EPM2A: variants seen among roughly 807,000 people sequenced by gnomAD.
The protein encoded by EPM2A is laforin.
A neutral mutation model predicts 26.5 loss-of-function variants in EPM2A; 21 were observed. The observed-to-expected ratio is 0.79, with a 90% CI of 0.56 to 1.14. EPM2A has a LOEUF of 1.14. EPM2A is among the 50% of genes most tolerant of loss of function. The pLI is 0.00. For synonymous variants in EPM2A, 217 were observed against 177.6 expected, an observed-to-expected ratio of 1.22 and a Z score of -1.76; for missense variants, 458 against 440.8, an observed-to-expected ratio of 1.04 and a Z score of -0.35.
chr6:145,611,753 G>A (rs1775396635), intron 2 of EPM2A, among the ~76,000 whole-genome samples: 1 of 151,950 alleles, frequency 6.6e-6, no homozygotes, highest in South Asian at 2.1e-4. Flanking sequence ...CTGTTTATAT[G>A]TTCAACAGAA....
intron 2 of EPM2A, among the ~76,000 whole-genome samples, chr6:145,515,600 T>G (rs1464327207): frequency 6.6e-6 from 1 of 152,186 alleles, no homozygotes; most frequent in Non-Finnish European, 1.5e-5. Flanking sequence ...TCAGGTTTTA[T>G]AAGGGCACTA....
intron 2 of EPM2A, among the ~76,000 whole-genome samples, chr6:145,657,246 C>T (rs776962350): frequency 1.3e-5 from 2 of 151,914 alleles, no homozygotes; most frequent in Non-Finnish European, 2.9e-5. Flanking sequence ...AGCACCACCA[C>T]GCCTGGCTAA....
chr6:145,404,175 C>A (rs1778535441), intron 4 of EPM2A, among the ~76,000 whole-genome samples: 2 of 151,994 alleles, frequency 1.3e-5, no homozygotes, highest in Admixed American at 1.3e-4. Context: ...AATCCCTTGT[C>A]AGATGGGTAG....
intron 2 of EPM2A, among the ~76,000 whole-genome samples, chr6:145,541,850 T>C (rs1049619966): frequency 1.3e-5 from 2 of 152,172 alleles, no homozygotes; most frequent in Non-Finnish European, 2.9e-5. Flanking sequence ...TTTCTGTACC[T>C]TGAAAGGCAC....
chr6:145,592,049 T>A (rs566775951), intron 2 of EPM2A, among the ~76,000 whole-genome samples: 1 of 152,174 alleles, frequency 6.6e-6, no homozygotes, highest in African/African-American at 2.4e-5. Context: ...GTAGGGTACA[T>A]GTGCACAAAG....
At chr6:145,499,645 G>A (rs452552), downstream of EPM2A, among the ~76,000 whole-genome samples, 68,494 of 152,032 alleles carry the variant, frequency 0.45, 15,464 homozygotes, top group South Asian at 0.58. Context: ...ATGAGTGAGT[G>A]AATTAATGAA....
chr6:145,735,993 T>TA (rs1776857105), upstream of EPM2A: 1 of 152,024 alleles, frequency 6.6e-6, no homozygotes, highest in Admixed American at 6.6e-5. Flanking sequence ...CCAAGTCACT[T>TA]ACTCTAGCAG....
chr6:145,577,760 A>G (rs1158899391), intron 2 of EPM2A, among the ~76,000 whole-genome samples: 1 of 152,144 alleles, frequency 6.6e-6, no homozygotes, highest in Non-Finnish European at 1.5e-5. Context: ...TCTTCTCATT[A>G]GCACATGAAA....
chr6:145,494,283 A>G (rs951605563), intron 4 of EPM2A, among the ~76,000 whole-genome samples: 3 of 152,164 alleles, frequency 2.0e-5, no homozygotes, highest in African/African-American at 7.2e-5. Context: ...AGGTGTTTAT[A>G]GTAGTCTCTG....
At chr6:145,401,252 A>G (rs1221939210) in intron 4 of EPM2A, among the ~76,000 whole-genome samples, 1 of 152,154 alleles carries the variant, frequency 6.6e-6, no homozygotes, top group Non-Finnish European at 1.5e-5. Flanking sequence ...TTTGTCATTT[A>G]TGCAGCATTT....
chr6:145,618,416 G>GGTTTGGTT, intron 2 of EPM2A, among the ~76,000 whole-genome samples: 1 of 152,192 alleles, frequency 6.6e-6, no homozygotes, highest in Non-Finnish European at 1.5e-5. Flanking sequence ...TGTCTGATAT[G>GGTTTGGTT]GTTTGGTTGT....
chr6:145,688,338 A>G (rs1205094587), intron 1 of EPM2A, among the ~76,000 whole-genome samples: 2 of 152,238 alleles, frequency 1.3e-5, no homozygotes, highest in African/African-American at 2.4e-5. Flanking sequence ...TTCAAGAGGG[A>G]AAGGCCACAG....
chr6:145,671,352 A>G, intron 2 of EPM2A: 1 of 1,005,976 alleles, frequency 9.9e-7, no homozygotes, highest in Non-Finnish European at 1.2e-6. Flanking sequence ...AATGAGGGAA[A>G]GCACCATCTT....
intron 4 of EPM2A, among the ~76,000 whole-genome samples, chr6:145,462,339 G>A (rs1779337358): frequency 6.6e-6 from 1 of 152,044 alleles, no homozygotes; most frequent in African/African-American, 2.4e-5. Flanking sequence ...TCAACCCCGT[G>A]CAACAAATAT....
rs915280122 is a variant in EPM2A, at chr6:145,405,960, C to A, written c.556-21863G>T. Among the ~76,000 whole-genome samples, 3 of 147,452 alleles carry A rather than the reference C, an allele frequency of 2.0e-5. No homozygotes were observed. The East Asian group carries it at 6.0e-4, about 30-fold the overall frequency. Reference sequence around the variant, plus strand: ...TGCTTATGAAAATCTCTTAGAAGAACTATTTAATCATGGAGATACCTACAC... The same window carrying A: ...TGCTTATGAAAATCTCTTAGAAGAAATATTTAATCATGGAGATACCTACAC... On this transcript the variant is annotated intron_variant, in intron 4 of 4. Transcript: ENST00000638717.
intron 2 of EPM2A, among the ~76,000 whole-genome samples, chr6:145,543,124 C>T (rs450921): frequency 0.36 from 54,258 of 151,974 alleles, 10,201 homozygotes; most frequent in South Asian, 0.51. Context: ...CTCACCAATT[C>T]TCATTGCTAT....
At chr6:145,400,773 G>A (rs916017406) in intron 4 of EPM2A, among the ~76,000 whole-genome samples, 13 of 152,048 alleles carry the variant, frequency 8.5e-5, no homozygotes, top group African/African-American at 3.1e-4. Context: ...TTAAATATAT[G>A]TACTTAGCCA....
intron 4 of EPM2A, among the ~76,000 whole-genome samples, chr6:145,390,742 T>C (rs953529027): frequency 3.9e-5 from 6 of 152,162 alleles, no homozygotes; most frequent in Admixed American, 2.6e-4. Context: ...CATTTTTACA[T>C]CATATTTTTT....
chr6:145,441,434 A>T (rs986620613), intron 4 of EPM2A, among the ~76,000 whole-genome samples: 3 of 152,210 alleles, frequency 2.0e-5, no homozygotes, highest in Non-Finnish European at 4.4e-5. Context: ...TGTCTTGGTG[A>T]TTAACATTTG....
Sources: gnomAD v4.1 joint callset for allele counts (sites outside exome capture counted in the v4.1 genomes callset) on GRCh38, gnomAD v4.1.1 for gene constraint, MANE v1.5 for transcripts, NCBI Gene and HGNC (gene_info 2026-07-23, HGNC 2026-07-21) for gene names.